The following SKAP1 variants were observed in gnomAD, a reference collection of about 807,000 sequenced individuals.
The protein encoded by SKAP1 is src kinase-associated phosphoprotein 1.
A neutral mutation model predicts 58.5 loss-of-function variants in SKAP1; 44 were observed. The ratio of observed to expected loss-of-function variants is 0.75; its 90% CI spans 0.59 to 0.97. SKAP1 has a LOEUF of 0.97. Ranked by LOEUF, SKAP1 falls within the 50% of genes least tolerant of loss-of-function variation. SKAP1 has a pLI of 0.00. For synonymous variants in SKAP1, 127 were observed against 149.7 expected (o/e 0.85, Z 1.11); for missense variants, 390 against 435.2 (o/e 0.90, Z 0.92).
intron 5 of SKAP1, 92 bp from the exon 6 acceptor site, chr17:48,188,018 T>A (rs998565378): frequency 1.7e-5 from 15 of 908,630 alleles, no homozygotes; most frequent in Non-Finnish European, 2.7e-5. Context: ...CAGTGTGTTA[T>A]TGTTTTATTT....
chr17:48,311,794 A>G (rs192532996), intron 4 of SKAP1, among the ~76,000 whole-genome samples: 111 of 152,338 alleles, frequency 7.3e-4, no homozygotes, highest in African/African-American at 2.5e-3. Context: ...CTTTTCTGTT[A>G]AAATTCGGCA....
At chr17:48,283,699 C>A (rs1230339546) in intron 4 of SKAP1, among the ~76,000 whole-genome samples, 1 of 152,170 alleles carries the variant, frequency 6.6e-6, no homozygotes, top group Non-Finnish European at 1.5e-5. Flanking sequence ...CGGCTGGATA[C>A]AAGCTGCTGC....
At chr17:48,248,386 G>A (rs1374228938) in intron 4 of SKAP1, among the ~76,000 whole-genome samples, 1 of 152,112 alleles carries the variant, frequency 6.6e-6, no homozygotes, top group Admixed American at 6.5e-5. Context: ...GGCCAACATG[G>A]TGAAACTCAA....
At chr17:48,192,729 AG>A (rs1245595213) in intron 4 of SKAP1, among the ~76,000 whole-genome samples, 1 of 152,200 alleles carries the variant, frequency 6.6e-6, no homozygotes, top group African/African-American at 2.4e-5. Flanking sequence ...ATTTACTTTC[AG>A]TACATTATCA....
upstream of SKAP1, among the ~76,000 whole-genome samples, chr17:48,432,396 T>C (rs2067924906): frequency 6.6e-6 from 1 of 151,588 alleles, no homozygotes; most frequent in South Asian, 2.1e-4. Flanking sequence ...GCCATTGCAC[T>C]CTAGCCTGGG....
At chr17:48,381,266 A>G (rs1401499806) in intron 2 of SKAP1, among the ~76,000 whole-genome samples, 1 of 152,084 alleles carries the variant, frequency 6.6e-6, no homozygotes, top group Non-Finnish European at 1.5e-5. Context: ...TTCAAACCCA[A>G]TCAAAACTCT....
intron 4 of SKAP1, chr17:48,295,733 A>C (rs567439682): frequency 2.0e-5 from 3 of 150,620 alleles, no homozygotes; most frequent in Non-Finnish European, 4.4e-5. Flanking sequence ...GCTTCTTTTC[A>C]TACGTAATTC....
intron 4 of SKAP1, among the ~76,000 whole-genome samples, chr17:48,226,157 C>T (rs1004037414): frequency 4.6e-5 from 7 of 152,122 alleles, no homozygotes; most frequent in African/African-American, 1.4e-4. Context: ...CCTACTGTCC[C>T]CCAAATAAAC....
At chr17:48,441,688 T>C in the SKAP1 span, among the ~76,000 whole-genome samples, 6 of 152,202 alleles carry the variant, frequency 3.9e-5, no homozygotes, top group South Asian at 2.1e-4. Flanking sequence ...GGGGTTTCAT[T>C]GGCTGGTGTC....
chr17:48,329,459 C>A (rs555076946), intron 4 of SKAP1, among the ~76,000 whole-genome samples: 2 of 152,346 alleles, frequency 1.3e-5, no homozygotes, highest in South Asian at 4.1e-4. Flanking sequence ...AATCCCAGAA[C>A]TTTGGGAGGC....
chr17:48,248,510 T>A (rs1483575590), intron 4 of SKAP1, among the ~76,000 whole-genome samples: 1 of 152,078 alleles, frequency 6.6e-6, no homozygotes, highest in Non-Finnish European at 1.5e-5. Flanking sequence ...GATGTTGCAG[T>A]GGGCAGAGAT....
At chr17:48,428,387 T>C (rs1375522308) in intron 1 of SKAP1, among the ~76,000 whole-genome samples, 1 of 152,210 alleles carries the variant, frequency 6.6e-6, no homozygotes, top group Non-Finnish European at 1.5e-5. Context: ...GGTTCTGCTT[T>C]AGAAGGAGAT....
At chr17:48,398,748 C>A (rs1358675107) in intron 1 of SKAP1, among the ~76,000 whole-genome samples, 1 of 151,952 alleles carries the variant, frequency 6.6e-6, no homozygotes, top group South Asian at 2.1e-4. Flanking sequence ...GAGGCCAAGG[C>A]GGGTGGCTCA....
chr17:48,186,797 A>G (rs1426870445), intron 6 of SKAP1, among the ~76,000 whole-genome samples: 1 of 152,148 alleles, frequency 6.6e-6, no homozygotes, highest in Non-Finnish European at 1.5e-5. Context: ...CCACTACCTT[A>G]GTGCCACAGG....
At chr17:48,243,730 C>A (rs923813598) in intron 4 of SKAP1, among the ~76,000 whole-genome samples, 2 of 152,056 alleles carry the variant, frequency 1.3e-5, no homozygotes, top group African/African-American at 4.8e-5. Flanking sequence ...ATAAAACAGG[C>A]TTCAGTGATG....
intron 10 of SKAP1, among the ~76,000 whole-genome samples, chr17:48,164,746 A>G (rs185411515): frequency 8.5e-5 from 13 of 152,334 alleles, no homozygotes; most frequent in Non-Finnish European, 2.9e-5. Flanking sequence ...AACAGCTCCA[A>G]AAAAACAGGC....
At chr17:48,184,121 TATA>T (rs1207953968) in intron 7 of SKAP1, among the ~76,000 whole-genome samples, 4 of 152,206 alleles carry the variant, frequency 2.6e-5, no homozygotes, top group African/African-American at 9.6e-5. Context: ...ACATTAATTT[TATA>T]ATGAGGTAAA....
intron 4 of SKAP1, among the ~76,000 whole-genome samples, chr17:48,223,849 T>A (rs1246954070): frequency 6.6e-6 from 1 of 151,832 alleles, no homozygotes; most frequent in African/African-American, 2.4e-5. Flanking sequence ...ATGTGAGAAG[T>A]ATGAGAGGAA....
chr17:48,155,303 T>G (rs1190792564), intron 11 of SKAP1, among the ~76,000 whole-genome samples: 1 of 150,900 alleles, frequency 6.6e-6, no homozygotes, highest in Non-Finnish European at 1.5e-5. Context: ...AATTTTTGTA[T>G]TTTTAGTAGA....
Sources: gnomAD v4.1 joint callset for allele counts (sites outside exome capture counted in the v4.1 genomes callset) on GRCh38, gnomAD v4.1.1 for gene constraint, MANE v1.5 for transcripts, NCBI Gene and HGNC (gene_info 2026-07-23, HGNC 2026-07-21) for gene names.